Variants in NLGN1 observed in about 807,000 individuals in gnomAD.
NLGN1 encodes neuroligin 1.
A neutral mutation model predicts 65.5 loss-of-function variants in NLGN1; 12 were observed. That is an observed-to-expected ratio of 0.18 (90% CI 0.12 to 0.30). The LOEUF (loss-of-function observed/expected upper bound fraction) is 0.30. Among genes scored for constraint, NLGN1 ranks in the 10% least tolerant of loss-of-function variants. The probability of loss-of-function intolerance (pLI) is 1.00; values close to 1 mark genes in which losing one functional copy is unlikely to be tolerated. For missense variants in NLGN1, 750 were observed against 1,007.1 expected (o/e 0.74, Z 3.46); for synonymous variants, 350 against 359.5 (o/e 0.97, Z 0.30).
intron 4 of NLGN1, among the ~76,000 whole-genome samples, chr3:173,979,457 G>GT (rs564061090): frequency 2.1e-4 from 32 of 152,242 alleles, no homozygotes; most frequent in Admixed American, 1.3e-3. Context: ...ATTATTAAGT[G>GT]TAAGAGCTTA....
At chr3:173,563,481 A>G (rs149746475) in intron 2 of NLGN1, among the ~76,000 whole-genome samples, 116 of 152,350 alleles carry the variant, frequency 7.6e-4, no homozygotes, top group African/African-American at 2.7e-3. Flanking sequence ...GAAGTAGTAA[A>G]GTTAAATTTA....
At chr3:174,022,946 G>C (rs1271049933) in intron 4 of NLGN1, among the ~76,000 whole-genome samples, 1 of 152,042 alleles carries the variant, frequency 6.6e-6, no homozygotes, top group Non-Finnish European at 1.5e-5. Context: ...TGTAGATTTA[G>C]GATTTGAGTG....
intron 4 of NLGN1, among the ~76,000 whole-genome samples, chr3:174,218,089 C>T (rs942443295): frequency 1.8e-4 from 28 of 152,022 alleles, no homozygotes; most frequent in Non-Finnish European, 2.6e-4. Context: ...GAAAAATTAA[C>T]GCTTTAGACA....
intron 3 of NLGN1, among the ~76,000 whole-genome samples, chr3:173,736,856 T>C (rs912796276): frequency 6.6e-6 from 1 of 152,056 alleles, no homozygotes; most frequent in African/African-American, 2.4e-5. Flanking sequence ...TATTGATAAA[T>C]TAAAACTATA....
intron 2 of NLGN1, among the ~76,000 whole-genome samples, chr3:173,571,994 A>T (rs1158446814): frequency 6.6e-6 from 1 of 152,174 alleles, no homozygotes; most frequent in Non-Finnish European, 1.5e-5. Flanking sequence ...AAAAAGAATA[A>T]TTTTTCCCTC....
At chr3:173,922,824 A>G (rs900001612) in intron 4 of NLGN1, among the ~76,000 whole-genome samples, 1 of 152,116 alleles carries the variant, frequency 6.6e-6, no homozygotes, top group Non-Finnish European at 1.5e-5. Context: ...GAACTGACAT[A>G]GCAGGTAGAC....
chr3:173,528,145 G>A (rs1460783608), intron 2 of NLGN1, among the ~76,000 whole-genome samples: 1 of 152,156 alleles, frequency 6.6e-6, no homozygotes, highest in Non-Finnish European at 1.5e-5. Context: ...TGTAGGTTCA[G>A]TGTAGTGGTG....
chr3:173,789,480 C>A (rs1265335810), intron 3 of NLGN1, among the ~76,000 whole-genome samples: 3 of 152,184 alleles, frequency 2.0e-5, no homozygotes, highest in Admixed American at 2.0e-4. Flanking sequence ...CACAATCTCC[C>A]AAGGTGGATA....
At chr3:173,445,185 G>C (rs1170365674) in intron 2 of NLGN1, among the ~76,000 whole-genome samples, 4 of 148,072 alleles carry the variant, frequency 2.7e-5, no homozygotes, top group Non-Finnish European at 6.0e-5. Context: ...GGAGAATGGC[G>C]TGAACCCGGG....
intron 4 of NLGN1, among the ~76,000 whole-genome samples, chr3:174,128,850 A>G (rs1719526620): frequency 1.3e-5 from 2 of 152,078 alleles, no homozygotes; most frequent in African/African-American, 4.8e-5. Flanking sequence ...CACCCTCCTC[A>G]CTGCTTCATC....
chr3:173,420,155 C>T (rs1165033890), intron 1 of NLGN1, among the ~76,000 whole-genome samples: 1 of 151,322 alleles, frequency 6.6e-6, no homozygotes, highest in East Asian at 1.9e-4. Flanking sequence ...ATACATGTGC[C>T]ATGTTGGTGT....
intron 4 of NLGN1, among the ~76,000 whole-genome samples, chr3:173,975,569 A>C (rs999133008): frequency 6.6e-6 from 1 of 152,024 alleles, no homozygotes; most frequent in Non-Finnish European, 1.5e-5. Context: ...TGAGTATAGA[A>C]TCTCTTTTAA....
chr3:173,530,714 A>G (rs1736425985), intron 2 of NLGN1, among the ~76,000 whole-genome samples: 1 of 152,166 alleles, frequency 6.6e-6, no homozygotes, highest in Non-Finnish European at 1.5e-5. Context: ...TTTCTACTAA[A>G]AAATCTGATT....
chr3:173,894,889 G>A (rs1424363382), intron 4 of NLGN1, among the ~76,000 whole-genome samples: 2 of 146,468 alleles, frequency 1.4e-5, no homozygotes, highest in African/African-American at 5.1e-5. Flanking sequence ...CACCCGCCTC[G>A]GCCTCCCAAA....
chr3:174,078,850 C>T (rs1156888600), intron 4 of NLGN1, among the ~76,000 whole-genome samples: 1 of 152,138 alleles, frequency 6.6e-6, no homozygotes, highest in Non-Finnish European at 1.5e-5. Flanking sequence ...TATTTTGCAA[C>T]TTACTACTCT....
rs76802966 is a variant in NLGN1 at position 173,992,247 on chromosome 3, A to T, written c.646+184415A>T. ...TAAGTATACATATATTTTTATGTGA[A>T]CTCTGATCCTTTAAATTACATTTTA... is the stretch of plus-strand genomic sequence containing the variant. On this transcript the variant is annotated intron_variant, in intron 4 of 6. Transcript: ENST00000457714. Among the ~76,000 whole-genome samples, 397 of 152,258 alleles carry T rather than the reference A, an allele frequency of 2.6e-3. 2 individuals carry two copies. Among genetic ancestry groups the T allele is most frequent in the African/African-American group, 8.9e-3 (370 of 41,556 alleles).
intron 4 of NLGN1, among the ~76,000 whole-genome samples, chr3:174,243,628 G>A (rs1041497664): frequency 1.3e-5 from 2 of 151,912 alleles, no homozygotes; most frequent in Non-Finnish European, 2.9e-5. Flanking sequence ...GTCCCATAAG[G>A]TTGGTTATAT....
At chr3:173,939,454 G>T (rs1017304588) in intron 4 of NLGN1, among the ~76,000 whole-genome samples, 1 of 151,988 alleles carries the variant, frequency 6.6e-6, no homozygotes, top group Non-Finnish European at 1.5e-5. Context: ...AGGTTCCCTG[G>T]ACAGCACAAA....
chr3:174,097,950 G>A (rs1233827000), intron 4 of NLGN1, among the ~76,000 whole-genome samples: 1 of 152,178 alleles, frequency 6.6e-6, no homozygotes, highest in East Asian at 1.9e-4. Context: ...GTAGCTCTAA[G>A]CATGTGTCTG....
Sources: allele counts gnomAD v4.1 joint callset (sites outside exome capture counted in the v4.1 genomes callset), GRCh38; gene constraint gnomAD v4.1.1; transcripts MANE v1.5; gene names NCBI Gene and HGNC (gene_info 2026-07-23, HGNC 2026-07-21).